Variants in EBF2 observed in about 807,000 individuals in gnomAD.
EBF2 encodes transcription factor COE2.
Under a neutral mutation model 72.8 loss-of-function variants are expected in EBF2, and 21 were observed. The observed-to-expected ratio is 0.29, with a 90% CI of 0.20 to 0.42. EBF2 has a LOEUF of 0.42. Among genes scored for constraint, EBF2 ranks in the 10% least tolerant of loss-of-function variants. The pLI, the probability that EBF2 is intolerant of heterozygous loss-of-function variation, is 1.00. For missense variants in EBF2, 637 were observed against 731.2 expected, an observed-to-expected ratio of 0.87 and a Z score of 1.49; for synonymous variants, 299 against 274.2, an observed-to-expected ratio of 1.09 and a Z score of -0.89.
rs80083285 is a variant in EBF2, at chr8:25,878,267, G to T, written c.1009+8488C>A. Among the ~76,000 whole-genome samples the T allele has an allele frequency of 6.6e-3, 1,010 of 152,336 alleles. 12 individuals carry two copies. The highest frequency in any genetic ancestry group is 0.023 in the African/African-American group (958 of 41,586). ...CCTTGCCATTGGAGGTGAGTGGTTT[G>T]TCTAGGCCTATAGCAGCCTAGGAGC... On this transcript the variant is annotated intron_variant, in intron 10 of 15. Coordinates refer to ENST00000520164, the MANE Select transcript of EBF2 (RefSeq NM_022659.4).
intron 6 of EBF2, among the ~76,000 whole-genome samples, chr8:25,921,437 T>C (rs1282773930): frequency 6.6e-6 from 1 of 152,172 alleles, no homozygotes; most frequent in African/African-American, 2.4e-5. Context: ...TTCCCGAGTG[T>C]AGTCAACAGA....
In EBF2 at chr8:25,917,593, C is replaced by T. The variant is rs557601839; in HGVS notation, c.552-9038G>A. ...AAAACTGAATCATATTATGGACTTC[C>T]TTGAGAAAAAAATCTTTCCGTGAGA... On this transcript the variant is annotated intron_variant, in intron 6 of 15. Coordinates refer to ENST00000520164, the MANE Select transcript of EBF2 (RefSeq NM_022659.4). 3.3e-5 allele frequency among the ~76,000 whole-genome samples: 5 copies of T among 152,240 alleles called. No homozygotes were observed. The East Asian group carries it at 9.7e-4, about 29-fold the overall frequency.
chr8:25,928,605 G>A (rs2117142736), intron 6 of EBF2, among the ~76,000 whole-genome samples: 1 of 152,100 alleles, frequency 6.6e-6, no homozygotes, highest in Non-Finnish European at 1.5e-5. Context: ...ACCAATACGT[G>A]CCTGTTACAA....
chr8:26,040,866 T>G, intron 3 of EBF2, 73 bp downstream of exon 3: 1 of 1,598,650 alleles, frequency 6.3e-7, no homozygotes, highest in Non-Finnish European at 8.6e-7. Flanking sequence ...AGAGTGATCA[T>G]GGCAAGGTCA....
At chr8:25,959,950 A>C (rs1034859941) in intron 6 of EBF2, among the ~76,000 whole-genome samples, 2 of 152,220 alleles carry the variant, frequency 1.3e-5, no homozygotes, top group African/African-American at 4.8e-5. Context: ...GGCATATCCA[A>C]GGGTAAACCT....
At chr8:25,940,082 C>G (rs1276858428) in intron 6 of EBF2, among the ~76,000 whole-genome samples, 2 of 152,036 alleles carry the variant, frequency 1.3e-5, no homozygotes, top group African/African-American at 4.8e-5. Context: ...ACATAGCTAG[C>G]CAATAGGGTA....
chr8:25,879,910 T>C (rs116987407), intron 10 of EBF2, among the ~76,000 whole-genome samples: 259 of 152,334 alleles, frequency 1.7e-3, no homozygotes, highest in Non-Finnish European at 3.1e-3. Context: ...AAAAAGGTGA[T>C]CTTGTTGCCT....
intron 6 of EBF2, among the ~76,000 whole-genome samples, chr8:25,941,786 C>G (rs910646567): frequency 1.3e-5 from 2 of 152,136 alleles, no homozygotes; most frequent in African/African-American, 4.8e-5. Context: ...CTCCTCCTCC[C>G]CTGCTATATA....
At position 26,044,600 on chromosome 8, in the gene EBF2, C is replaced by T; in HGVS notation, c.131+129G>A. The T allele has an allele frequency of 1.4e-6, 2 of 1,384,654 alleles. No individual in the cohort carries two copies. The highest frequency in any genetic ancestry group is 2.0e-6 in the Non-Finnish European group (2 of 1,022,282). 85.8% of individuals were successfully genotyped at this position (1,384,654 alleles called of 1,614,324 possible). ...GCTTGCCCGAGGGCGAGCCCCAGCG[C>T]GCAGGGCCTGGGCGACAGATGGGGG... On this transcript the variant is annotated intron_variant, in intron 1 of 15. Transcript: ENST00000520164. The surrounding 1 kb of genome is among the most constrained non-coding windows in gnomAD (Gnocchi z 4.1).
chr8:26,031,507 C>G (rs570250562), intron 6 of EBF2: 1 of 143,640 alleles, frequency 7.0e-6, no homozygotes, highest in South Asian at 2.2e-4. Flanking sequence ...GTGATCTTGG[C>G]TCACTGCAAT....
chr8:26,040,333 G>A (rs2117265758), intron 4 of EBF2, among the ~76,000 whole-genome samples: 1 of 152,150 alleles, frequency 6.6e-6, no homozygotes, highest in East Asian at 1.9e-4. Flanking sequence ...ATGTTTGCGG[G>A]AACTGAATCT....
chr8:26,008,840 CAAAAAA>C (rs61069458), intron 6 of EBF2, among the ~76,000 whole-genome samples: 3 of 114,596 alleles, frequency 2.6e-5, no homozygotes, highest in Non-Finnish European at 3.6e-5. Flanking sequence ...ATCAACCTCT[CAAAAAA>C]AAAAAAAAAA....
chr8:25,902,358 C>T (rs1802968172), intron 7 of EBF2, among the ~76,000 whole-genome samples: 1 of 152,056 alleles, frequency 6.6e-6, no homozygotes, highest in Non-Finnish European at 1.5e-5. Flanking sequence ...GGTGTTTCAC[C>T]TAATTGTTCC....
chr8:25,997,728 G>A (rs1451137935), intron 6 of EBF2, among the ~76,000 whole-genome samples: 1 of 152,180 alleles, frequency 6.6e-6, no homozygotes, highest in African/African-American at 2.4e-5. Context: ...TGAGAAGGCA[G>A]TTTCTCTCTC....
chr8:25,860,915 C>T (rs1563378865), intron 13 of EBF2, 134 bp downstream of exon 13: 2 of 917,876 alleles, frequency 2.2e-6, no homozygotes, highest in South Asian at 1.6e-5. Flanking sequence ...TTGAAATAAC[C>T]CAATCTATGA....
intron 6 of EBF2, among the ~76,000 whole-genome samples, chr8:25,972,732 T>C (rs1293491691): frequency 6.6e-6 from 1 of 152,020 alleles, no homozygotes; most frequent in East Asian, 1.9e-4. Context: ...AAGCTCAAAG[T>C]ATACATGAGG....
At chr8:25,857,037 A>G (rs948864679) in intron 14 of EBF2, among the ~76,000 whole-genome samples, 6 of 152,290 alleles carry the variant, frequency 3.9e-5, no homozygotes, top group Admixed American at 2.0e-4. Context: ...ACTTTTTGGA[A>G]CAAGAATTTC....
In EBF2 at chr8:25,844,525, C is replaced by T. The variant is rs1563370750; in HGVS notation, c.*84G>A. ...TCATGTTCATGTGGGGGCACCACTA[C>T]ACCCCCAAAAGAGCTCCTAGTGCTT... On this transcript the variant is annotated 3_prime_UTR_variant, in exon 16 of 16. Transcript: ENST00000520164. 3.3e-6 allele frequency: 5 copies of T among 1,505,664 alleles called. No individual in the cohort carries two copies. The highest frequency in any genetic ancestry group is 2.3e-5 in the East Asian group (1 of 44,228). The allele number at this position is 1,505,664 out of a possible 1,614,324, so 93.3% of individuals were successfully genotyped here.
chr8:25,891,580 A>AT (rs200868966), intron 7 of EBF2, among the ~76,000 whole-genome samples: 7,590 of 139,268 alleles, frequency 0.054, 492 homozygotes, highest in African/African-American at 0.16. Flanking sequence ...ATCCTGTCGT[A>AT]TTTTTTTTTT....
Sources: allele counts gnomAD v4.1 joint callset (sites outside exome capture counted in the v4.1 genomes callset), GRCh38; gene constraint gnomAD v4.1.1; non-coding constraint Gnocchi (gnomAD v3.1); transcripts MANE v1.5; gene names NCBI Gene and HGNC (gene_info 2026-07-23, HGNC 2026-07-21).